CNTNAP3: variants seen among roughly 807,000 people sequenced by gnomAD.
CNTNAP3 encodes contactin-associated protein-like 3.
Under a neutral mutation model 92.1 loss-of-function variants are expected in CNTNAP3, and 36 were observed. The observed-to-expected ratio is 0.39, with a 90% CI of 0.30 to 0.52. The LOEUF is 0.52. CNTNAP3 is among the 20% of genes least tolerant of loss of function. The pLI is 0.76. For synonymous variants in CNTNAP3, 232 were observed against 422.3 expected (o/e 0.55, Z 5.53); for missense variants, 534 against 1,069.6 (o/e 0.50, Z 6.98).
At chr9:39,114,838 T>A (rs576549566) in intron 14 of CNTNAP3, among the ~76,000 whole-genome samples, 1 of 151,906 alleles carries the variant, frequency 6.6e-6, no homozygotes, top group South Asian at 2.1e-4. Flanking sequence ...GTTACATGTG[T>A]CATCATTATA....
At position 39,133,096 on chromosome 9, in the gene CNTNAP3, T is replaced by A; in HGVS notation, c.1916A>T (p.Asp639Val). 1 of 1,572,394 alleles carries A rather than the reference T, an allele frequency of 6.4e-7. No individual in the cohort carries two copies. The highest frequency in any genetic ancestry group is 8.6e-7 in the Non-Finnish European group (1 of 1,165,404). Residue 639 changes from aspartate to valine, a missense_variant, in exon 13 of 24, where the codon GAC (aspartate) becomes GTC (valine). Transcript: ENST00000297668. ...AWTVVQHGGPDAVTLRGAPSG... is the reference protein window; with the variant it reads ...AWTVVQHGGPVAVTLRGAPSG... Reference sequence around the variant, plus strand: ...GGGGGCACCTCGGAGGGTCACCGCGTCGGGGCCACCGTGCTGCACCACCGT... The same window carrying A: ...GGGGGCACCTCGGAGGGTCACCGCGACGGGGCCACCGTGCTGCACCACCGT...
chr9:39,126,827 T>C (rs1821162450), intron 13 of CNTNAP3, among the ~76,000 whole-genome samples: 1 of 151,696 alleles, frequency 6.6e-6, no homozygotes, highest in African/African-American at 2.4e-5. Flanking sequence ...AAAATGTCTC[T>C]CTTAGCAACT....
At position 39,076,929 on chromosome 9, in the gene CNTNAP3, C is replaced by T. The variant is rs375508094; in HGVS notation, c.3745+1456G>A. 5.4e-3 allele frequency among the ~76,000 whole-genome samples: 828 copies of T among 152,268 alleles called. No individual in the cohort carries two copies. The South Asian group carries it at 0.076, about 14-fold the overall frequency. ...CCAAGATGGCGCCACTGCACTCCAG[C>T]CTTTGCGACGAGCGAGACTCCCTCT... On this transcript the variant is annotated intron_variant, in intron 23 of 23. Transcript: ENST00000297668.
Position 39,118,113 on chromosome 9 carries a change from G to T in CNTNAP3, c.2227C>A (p.Arg743=), listed in dbSNP as rs371376766. 1.1e-4 allele frequency: 169 copies of T among 1,606,354 alleles called. No individual in the cohort carries two copies. In the Admixed American group the frequency reaches 1.4e-3, roughly 14 times the overall value. ...SQYYCNCDAG[R]NEWTSDTIVL... is the part of the protein sequence containing the mutation. ...TCATGTGGAAATCACCATTCATTCCGGCCAGCATCACAGTTGCAGTAATAC... is the reference window on the plus strand; with the variant it reads ...TCATGTGGAAATCACCATTCATTCCTGCCAGCATCACAGTTGCAGTAATAC... The change falls in exon 14 of 24, where the codon CGG becomes AGG. Residue 743 remains arginine, a synonymous_variant. Coordinates refer to ENST00000297668, the MANE Select transcript of CNTNAP3 (RefSeq NM_033655.5).
rs548529026 is a variant in CNTNAP3, at chr9:39,116,816, A to G, written c.2237+1287T>C. Among the ~76,000 whole-genome samples, 233 of 152,232 alleles carry G rather than the reference A, an allele frequency of 1.5e-3. 1 individual carries two copies. Among genetic ancestry groups the G allele is most frequent in the African/African-American group, 5.4e-3 (226 of 41,538 alleles). On this transcript the variant is annotated intron_variant, in intron 14 of 23. Transcript: ENST00000297668. ...TCAAGTGAGTTTTCCCAACTTCACA[A>G]TATTTTTTAAAGTGATGCAAAGTAG...
chr9:39,084,194 GTT>G (rs201621606), intron 21 of CNTNAP3, among the ~76,000 whole-genome samples: 4 of 116,862 alleles, frequency 3.4e-5, no homozygotes, highest in Non-Finnish European at 3.6e-5. Context: ...TGCTCACCAA[GTT>G]TTTTTTTTTT....
chr9:39,128,119 G>C (rs2315716), intron 13 of CNTNAP3, among the ~76,000 whole-genome samples: 3 of 152,160 alleles, frequency 2.0e-5, no homozygotes, highest in African/African-American at 7.2e-5. Flanking sequence ...GATCACAGGC[G>C]TGAGCCACCC....
At chr9:39,112,643 T>G (rs1388809774) in intron 14 of CNTNAP3, among the ~76,000 whole-genome samples, 1 of 152,098 alleles carries the variant, frequency 6.6e-6, no homozygotes, top group Non-Finnish European at 1.5e-5. Flanking sequence ...GGATAACAGG[T>G]GTGAGCCACC....
chr9:39,148,379 T>C (rs1280609859), intron 10 of CNTNAP3, among the ~76,000 whole-genome samples: 3 of 152,208 alleles, frequency 2.0e-5, no homozygotes, highest in African/African-American at 7.2e-5. Context: ...TACGTTTTTT[T>C]AGTATGTCAC....
chr9:39,123,439 C>T (rs925473634), intron 13 of CNTNAP3, among the ~76,000 whole-genome samples: 7 of 151,836 alleles, frequency 4.6e-5, no homozygotes, highest in African/African-American at 4.8e-5. Context: ...AACCCATAAT[C>T]GGAATACCAG....
rs540674937 is a variant in CNTNAP3 at position 39,078,742 on chromosome 9, C to A, written c.3621G>T (p.Ala1207=). The change falls in exon 22 of 24, where the codon GCG becomes GCT. Residue 1207 remains alanine (A), a synonymous_variant. Coordinates refer to ENST00000297668, the MANE Select transcript of CNTNAP3 (RefSeq NM_033655.5). ...GTTCCCGCGCCGGGGAGCCGGACGC[C>A]GCCCCCGCTGCGCAGCGGGCCATAG... ...VAPMARCAAG[A]ASGSPARELA... 1 of 1,368,868 alleles carries A rather than the reference C, an allele frequency of 7.3e-7. No homozygotes were observed. Among genetic ancestry groups the A allele is most frequent in the Non-Finnish European group, 9.5e-7 (1 of 1,050,910 alleles). The allele number at this position is 1,368,868 out of a possible 1,614,324, so 84.8% of individuals were successfully genotyped here.
rs1428931473 is a variant in CNTNAP3 at position 39,066,222 on chromosome 9, C to G, written c.*7668G>C. ...CTTGTAATAGCCAACTTTTAATAGG[C>G]ATTATACGACTTTACACACAGTCTA... On this transcript the variant is annotated 3_prime_UTR_variant, in exon 24 of 24. Transcript: ENST00000297668. Among the ~76,000 whole-genome samples the G allele has an allele frequency of 6.6e-6, 1 of 152,218 alleles. No individual in the cohort carries two copies. Among genetic ancestry groups the G allele is most frequent in the Non-Finnish European group, 1.5e-5 (1 of 68,042 alleles).
At chr9:39,143,502 C>T (rs1821627581) in intron 11 of CNTNAP3, among the ~76,000 whole-genome samples, 1 of 152,052 alleles carries the variant, frequency 6.6e-6, no homozygotes. Context: ...TAGCTGGGGG[C>T]CAAGTTACTT....
At chr9:39,117,613 T>C (rs1232988873) in intron 14 of CNTNAP3, among the ~76,000 whole-genome samples, 3 of 152,222 alleles carry the variant, frequency 2.0e-5, no homozygotes, top group Non-Finnish European at 4.4e-5. Flanking sequence ...AAGATTTCAA[T>C]GAGTGTGGGA....
Position 39,071,492 on chromosome 9 carries a change from T to G in CNTNAP3, c.*2398A>C, listed in dbSNP as rs1359306180. Among the ~76,000 whole-genome samples the G allele has an allele frequency of 1.3e-5, 2 of 151,870 alleles. No homozygotes were observed. Among genetic ancestry groups the G allele is most frequent in the Non-Finnish European group, 2.9e-5 (2 of 67,900 alleles). On this transcript the variant is annotated 3_prime_UTR_variant, in exon 24 of 24. Transcript: ENST00000297668. ...TTTTTAAGCATCAGAATCTTCAGCT[T>G]TCTCAAATGAAGAATGGTAATTATA...
intron 4 of CNTNAP3, among the ~76,000 whole-genome samples, chr9:39,183,901 C>T (rs1822479891): frequency 6.9e-6 from 1 of 144,842 alleles, no homozygotes; most frequent in Admixed American, 6.9e-5. Flanking sequence ...TCACTAATTG[C>T]CATTTGCATC....
Position 39,225,781 on chromosome 9 carries a change from C to T in CNTNAP3, c.390+13212G>A, listed in dbSNP as rs551072402. On this transcript the variant is annotated intron_variant, in intron 3 of 23. Transcript: ENST00000297668. ...TTACTTTCTTCTTTGCTCCCTCCCTCCTTCCTTGTTTCTGCTACTGTTTCC... is the reference window on the plus strand; with the variant it reads ...TTACTTTCTTCTTTGCTCCCTCCCTTCTTCCTTGTTTCTGCTACTGTTTCC... Among the ~76,000 whole-genome samples the T allele has an allele frequency of 1.9e-3, 98 of 51,130 alleles. 18 individuals are homozygous for T. Among genetic ancestry groups the T allele is most frequent in the African/African-American group, 3.1e-3 (93 of 29,868 alleles). 33.5% of individuals were successfully genotyped at this position (51,130 alleles called of 152,430 possible). A position where few individuals can be genotyped will look rare whatever the true frequency, so the allele number is the denominator to read the frequency against.
At chr9:39,084,244 G>GC (rs1158441835) in intron 21 of CNTNAP3, among the ~76,000 whole-genome samples, 5 of 146,048 alleles carry the variant, frequency 3.4e-5, no homozygotes, top group African/African-American at 1.3e-4. Flanking sequence ...TGTCATCCAG[G>GC]CTGGAGTGCA....
intron 21 of CNTNAP3, among the ~76,000 whole-genome samples, chr9:39,079,637 TTTTA>T (rs888856692): frequency 9.6e-5 from 14 of 145,868 alleles, no homozygotes; most frequent in South Asian, 6.7e-4. Flanking sequence ...CTATATCTGA[TTTTA>T]TTTTTTATCT....
Sources: gnomAD v4.1 joint callset for allele counts (sites outside exome capture counted in the v4.1 genomes callset) on GRCh38, gnomAD v4.1.1 for gene constraint, MANE v1.5 for transcripts, NCBI Gene and HGNC (gene_info 2026-07-23, HGNC 2026-07-21) for gene names.